The following TENM2 variants were observed in gnomAD, a reference collection of about 807,000 sequenced individuals.
TENM2 encodes teneurin transmembrane protein 2.
In TENM2, 52 loss-of-function variants were observed where a neutral mutation model predicts 245.2. The observed-to-expected ratio is 0.21, with a 90% CI of 0.17 to 0.27. The LOEUF is 0.27. TENM2 is among the 10% of genes least tolerant of loss of function. TENM2 has a pLI of 1.00. For synonymous variants in TENM2, 1,363 were observed against 1,438.9 expected (o/e 0.95, Z 1.19); for missense variants, 3,046 against 3,666.8 (o/e 0.83, Z 4.37).
At chr5:168,225,346 G>A (rs1764066725) in intron 23 of TENM2, among the ~76,000 whole-genome samples, 1 of 152,234 alleles carries the variant, frequency 6.6e-6, no homozygotes, top group African/African-American at 2.4e-5. Context: ...TCAAATGCGA[G>A]ATTTTTATTT....
At chr5:167,799,133 C>CCTCTG (rs1257612939) in intron 2 of TENM2, among the ~76,000 whole-genome samples, 1 of 152,196 alleles carries the variant, frequency 6.6e-6, no homozygotes, top group Non-Finnish European at 1.5e-5. Context: ...TCCAACCCTC[C>CCTCTG]CTCTGCAGGG....
intron 1 of TENM2, among the ~76,000 whole-genome samples, chr5:167,321,452 T>C (rs2127771196): frequency 6.6e-6 from 1 of 152,264 alleles, no homozygotes; most frequent in African/African-American, 2.4e-5. Flanking sequence ...ATTTTTCCCC[T>C]TCTGCAGTCA....
intron 1 of TENM2, among the ~76,000 whole-genome samples, chr5:167,344,937 G>T (rs1351416102): frequency 6.6e-6 from 1 of 152,108 alleles, no homozygotes; most frequent in African/African-American, 2.4e-5. Context: ...TTGTCTTCCT[G>T]GTGTTTCAGA....
chr5:167,932,197 C>G (rs1048355597), intron 3 of TENM2, among the ~76,000 whole-genome samples: 7 of 152,188 alleles, frequency 4.6e-5, no homozygotes, highest in Admixed American at 1.3e-4. Context: ...TCGTGAAGGT[C>G]TCAGTCCCCT....
intron 2 of TENM2, among the ~76,000 whole-genome samples, chr5:167,591,627 A>T (rs529753141): frequency 1.3e-5 from 2 of 152,234 alleles, no homozygotes; most frequent in Non-Finnish European, 2.9e-5. Flanking sequence ...TACAATTATC[A>T]TACATAGTAG....
intron 9 of TENM2, among the ~76,000 whole-genome samples, chr5:168,107,579 G>T (rs919240566): frequency 1.3e-5 from 2 of 151,970 alleles, no homozygotes; most frequent in Non-Finnish European, 2.9e-5. Context: ...GATGCAGGTG[G>T]TCAGGGGCCA....
rs1766676783 is a variant in TENM2 at position 168,247,346 on chromosome 5, A to G, written c.6407A>G (p.Tyr2136Cys). The stretch of plus-strand genomic sequence containing the variant: ...CACTTTGGTAAGTTTGGAGTCATCT[A>G]TTATGACATCAACCAGATCATCACC... The change falls in exon 27 of 29, where the codon TAT (tyrosine) becomes TGT (cysteine). Residue 2136 changes from tyrosine to cysteine, a missense_variant. Coordinates refer to ENST00000518659, the Ensembl canonical transcript of TENM2. The surrounding 1 kb of genome is among the most constrained non-coding windows in gnomAD (Gnocchi z 7.8). The G allele has an allele frequency of 6.2e-7, 1 of 1,613,974 alleles. No individual in the cohort carries two copies. Among genetic ancestry groups the G allele is most frequent in the Non-Finnish European group, 8.5e-7 (1 of 1,179,892 alleles).
At chr5:167,843,477 C>A (rs555025265) in intron 2 of TENM2, among the ~76,000 whole-genome samples, 33 of 152,214 alleles carry the variant, frequency 2.2e-4, no homozygotes, top group African/African-American at 7.0e-4. Flanking sequence ...TCAAGAAAGT[C>A]TATACTTGTC....
chr5:167,534,291 A>G (rs957964156), intron 2 of TENM2, among the ~76,000 whole-genome samples: 8 of 152,190 alleles, frequency 5.3e-5, no homozygotes, highest in Non-Finnish European at 8.8e-5. Flanking sequence ...GAGGATGCCA[A>G]TGTGAGTCAG....
intron 1 of TENM2, among the ~76,000 whole-genome samples, chr5:167,342,778 C>T (rs1267388093): frequency 5.3e-5 from 8 of 151,736 alleles, no homozygotes; most frequent in Non-Finnish European, 1.2e-4. Flanking sequence ...CCACCCTCCT[C>T]GGCCTCCCAA....
chr5:167,740,057 G>T (rs1299500996), intron 2 of TENM2, among the ~76,000 whole-genome samples: 1 of 152,184 alleles, frequency 6.6e-6, no homozygotes, highest in Non-Finnish European at 1.5e-5. Context: ...GAGTGGTGCT[G>T]GTCTAGGAGA....
rs538780245 is a variant in TENM2, at chr5:168,246,441, G to A, written c.5818-316G>A. Among the ~76,000 whole-genome samples the A allele has an allele frequency of 3.6e-4, 55 of 152,092 alleles. 1 individual carries two copies. The South Asian group carries it at 0.011, about 32-fold the overall frequency. On this transcript the variant is annotated intron_variant, in intron 26 of 28. Coordinates refer to ENST00000518659, the Ensembl canonical transcript of TENM2. ...CTTAAAGTATCATCCAAGCAACATT[G>A]GCATTTGCAGGGAGTTTGTTACAAA... is the stretch of plus-strand genomic sequence containing the variant.
At chr5:167,855,242 C>T (rs183536246) in intron 2 of TENM2, among the ~76,000 whole-genome samples, 77 of 152,254 alleles carry the variant, frequency 5.1e-4, no homozygotes, top group Admixed American at 1.9e-3. Context: ...ATGGCTCCCT[C>T]TCTCACTTCC....
At chr5:167,763,364 A>C (rs1762801994) in intron 2 of TENM2, among the ~76,000 whole-genome samples, 1 of 152,132 alleles carries the variant, frequency 6.6e-6, no homozygotes, top group Admixed American at 6.6e-5. Context: ...CCTTCACATT[A>C]GATTCTTTAT....
At chr5:167,027,000 C>G in the TENM2 span, among the ~76,000 whole-genome samples, 2 of 152,156 alleles carry the variant, frequency 1.3e-5, no homozygotes, top group Non-Finnish European at 2.9e-5. Context: ...AGCAAAAGAA[C>G]AGATACCGCT....
At position 167,398,377 on chromosome 5, in the gene TENM2, C is replaced by CTTT. The variant is rs1762177935; in HGVS notation, c.502+22904_502+22905insTTT. ...TCTTTCTTTCTTTCCTTTCTTTCTT[C>CTTT]CTTTCTTTCTTTCTTTCTTTCTTTC... On this transcript the variant is annotated intron_variant, in intron 2 of 28. Transcript: ENST00000518659. 2.9e-5 allele frequency among the ~76,000 whole-genome samples: 4 copies of CTTT among 137,080 alleles called. No individual in the cohort carries two copies. The East Asian group carries it at 6.4e-4, about 22-fold the overall frequency. 89.9% of individuals were successfully genotyped at this position (137,080 alleles called of 152,430 possible).
intron 3 of TENM2, among the ~76,000 whole-genome samples, chr5:167,911,294 AGACG>A (rs1776525095): frequency 6.6e-6 from 1 of 152,184 alleles, no homozygotes; most frequent in African/African-American, 2.4e-5. Flanking sequence ...TGGGAGGCCG[AGACG>A]GACGGATCAT....
chr5:167,965,579 C>T (rs747344260), intron 4 of TENM2: 1 of 132,180 alleles, frequency 7.6e-6, no homozygotes, highest in Non-Finnish European at 1.7e-5. Context: ...GAGATTCCAT[C>T]TTAAAAAAAA....
At chr5:167,687,305 G>A (rs894785399) in intron 2 of TENM2, among the ~76,000 whole-genome samples, 6 of 152,120 alleles carry the variant, frequency 3.9e-5, no homozygotes, top group African/African-American at 1.4e-4. Flanking sequence ...AGTATTCAGT[G>A]TAATTGTCAA....
Sources: gnomAD v4.1 joint callset for allele counts (sites outside exome capture counted in the v4.1 genomes callset) on GRCh38, gnomAD v4.1.1 for gene constraint, Gnocchi (gnomAD v3.1) non-coding constraint, MANE v1.5 for transcripts, NCBI Gene and HGNC (gene_info 2026-07-23, HGNC 2026-07-21) for gene names.